The following LARGE1 variants were observed in gnomAD, a reference collection of about 807,000 sequenced individuals.
The protein encoded by LARGE1 is LARGE xylosyl- and glucuronyltransferase 1.
Under a neutral mutation model 87.6 loss-of-function variants are expected in LARGE1, and 43 were observed. The ratio of observed to expected loss-of-function variants is 0.49; its 90% CI spans 0.38 to 0.63. The LOEUF (loss-of-function observed/expected upper bound fraction) is 0.63. Ranked by LOEUF, LARGE1 falls within the 30% of genes least tolerant of loss-of-function variation. LARGE1 has a pLI of 0.00. For synonymous variants in LARGE1, 434 were observed against 394.6 expected (o/e 1.10, Z -1.18); for missense variants, 802 against 1,000.2 (o/e 0.80, Z 2.67).
intron 7 of LARGE1, among the ~76,000 whole-genome samples, chr22:33,389,044 A>T (rs529473929): frequency 6.6e-6 from 1 of 152,326 alleles, no homozygotes; most frequent in South Asian, 2.1e-4. Flanking sequence ...AGCTCACAGG[A>T]GGGAGGCCTG....
chr22:33,717,205 C>A (rs2082938082), intron 2 of LARGE1, among the ~76,000 whole-genome samples: 1 of 152,080 alleles, frequency 6.6e-6, no homozygotes, highest in Non-Finnish European at 1.5e-5. Flanking sequence ...ACCTTCCTAC[C>A]CATTCATCCA....
At chr22:33,561,203 C>T (rs967382889) in intron 6 of LARGE1, among the ~76,000 whole-genome samples, 23 of 152,192 alleles carry the variant, frequency 1.5e-4, no homozygotes, top group African/African-American at 5.5e-4. Context: ...GTTTTACAAA[C>T]ACTCATTTAG....
chr22:33,744,505 C>T (rs543186389), intron 2 of LARGE1, among the ~76,000 whole-genome samples: 3 of 152,202 alleles, frequency 2.0e-5, no homozygotes, highest in Non-Finnish European at 2.9e-5. Context: ...CTATGTGGCT[C>T]CTCTGTGTCT....
In LARGE1 at chr22:33,283,307, G is replaced by A; in HGVS notation, c.1772C>T (p.Ala591Val). Reference sequence around the variant, plus strand: ...TGTCTCGAACGCGGGGACAATCATTGCTTTCTTGGTGTTGGCAAGATCGAG... The same window carrying A: ...TGTCTCGAACGCGGGGACAATCATTACTTTCTTGGTGTTGGCAAGATCGAG... ...IQLDLANTKKAMIVPAFETLR... is the reference protein window; with the variant it reads ...IQLDLANTKKVMIVPAFETLR... Residue 591 changes from alanine (A) to valine (V), a missense_variant, in exon 13 of 15, where the codon GCA becomes GTA. Physicochemically the swap from Ala to Val is moderately conservative, Grantham distance 64. Around this residue, in one of 2 missense-constraint regions of LARGE1, gnomAD observed 625 missense variants for 841.9 expected, o/e 0.74. Coordinates refer to ENST00000397394, the MANE Select transcript of LARGE1 (RefSeq NM_133642.5). 2.5e-6 allele frequency: 4 copies of A among 1,614,200 alleles called. No individual in the cohort carries two copies. Among genetic ancestry groups the A allele is most frequent in the Middle Eastern group, 1.6e-4 (1 of 6,062 alleles).
At chr22:33,094,044 G>A in the LARGE1 span, among the ~76,000 whole-genome samples, 1 of 151,774 alleles carries the variant, frequency 6.6e-6, no homozygotes, top group Non-Finnish European at 1.5e-5. Flanking sequence ...GAGCCACCTT[G>A]CCCGGCTATT....
At chr22:33,688,100 T>C (rs5999059) in intron 2 of LARGE1, among the ~76,000 whole-genome samples, 17,295 of 152,166 alleles carry the variant, frequency 0.11, 1,520 homozygotes, top group African/African-American at 0.25. Context: ...AAAACAGAGA[T>C]AATGAAATGC....
chr22:33,086,550 T>C, the LARGE1 span, among the ~76,000 whole-genome samples: 15 of 47,576 alleles, frequency 3.2e-4, no homozygotes, highest in African/African-American at 7.9e-4. Context: ...GTTCTTCTAC[T>C]TTTTTTTTTT....
intron 1 of LARGE1, among the ~76,000 whole-genome samples, chr22:33,780,371 G>A (rs1003960840): frequency 1.3e-5 from 2 of 152,180 alleles, no homozygotes; most frequent in Non-Finnish European, 2.9e-5. Flanking sequence ...ACCACTGTGA[G>A]ACAGAGTCAA....
intron 1 of LARGE1, among the ~76,000 whole-genome samples, chr22:33,887,971 A>G (rs899868539): frequency 6.6e-6 from 1 of 152,210 alleles, no homozygotes; most frequent in African/African-American, 2.4e-5. Flanking sequence ...AATATGGTCC[A>G]CTTTGCTCAG....
chr22:33,865,879 C>G (rs1324134734), intron 1 of LARGE1, among the ~76,000 whole-genome samples: 11 of 94,430 alleles, frequency 1.2e-4, no homozygotes, highest in African/African-American at 4.2e-4. Flanking sequence ...GACAGGGTCT[C>G]GCTCTGTCAT....
At chr22:33,697,614 T>C (rs147629146) in intron 2 of LARGE1, among the ~76,000 whole-genome samples, 42 of 150,170 alleles carry the variant, frequency 2.8e-4, no homozygotes, top group African/African-American at 1.0e-3. Flanking sequence ...TCCTCTTGTC[T>C]GTAACTGAAC....
At chr22:33,914,702 C>G (rs1166552382) in intron 1 of LARGE1, among the ~76,000 whole-genome samples, 1 of 152,170 alleles carries the variant, frequency 6.6e-6, no homozygotes, top group African/African-American at 2.4e-5. Context: ...AGGCCTCTTT[C>G]TTTCCATTTA....
At chr22:33,464,490 T>A (rs1377138550) in intron 6 of LARGE1, among the ~76,000 whole-genome samples, 4 of 152,166 alleles carry the variant, frequency 2.6e-5, no homozygotes, top group Non-Finnish European at 5.9e-5. Context: ...AAAGGCTTAG[T>A]TTGCAGAACA....
the LARGE1 span, among the ~76,000 whole-genome samples, chr22:33,127,877 A>C: frequency 0.015 from 2,285 of 152,312 alleles, 33 homozygotes; most frequent in Admixed American, 0.052. Flanking sequence ...TCAGACATCT[A>C]TCTTGAAATT....
In LARGE1 at chr22:33,462,416, C is replaced by A. The variant is rs183248532; in HGVS notation, c.788-30151G>T. ...TACTTCAGGAGGAAGGAAAATAATC[C>A]CAGAAGGAAGGTCTGAAATGTGAAG... is the stretch of plus-strand genomic sequence containing the variant. On this transcript the variant is annotated intron_variant, in intron 6 of 14. Transcript: ENST00000397394. Among the ~76,000 whole-genome samples, 277 of 152,002 alleles carry A rather than the reference C, an allele frequency of 1.8e-3. 1 individual carries two copies. Among genetic ancestry groups the A allele is most frequent in the Non-Finnish European group, 3.1e-3 (214 of 67,962 alleles).
At chr22:33,510,126 G>A (rs1263432224) in intron 6 of LARGE1, among the ~76,000 whole-genome samples, 1 of 152,168 alleles carries the variant, frequency 6.6e-6, no homozygotes, top group African/African-American at 2.4e-5. Flanking sequence ...AGCAAGCAAT[G>A]TACTGGGAGT....
At chr22:33,691,965 T>C (rs1020673355) in intron 2 of LARGE1, among the ~76,000 whole-genome samples, 2 of 152,268 alleles carry the variant, frequency 1.3e-5, no homozygotes, top group East Asian at 3.9e-4. Context: ...TCTCCCTCAT[T>C]ACATCACTGA....
chr22:33,374,672 T>C (rs569855978), intron 9 of LARGE1, among the ~76,000 whole-genome samples: 6 of 152,310 alleles, frequency 3.9e-5, no homozygotes, highest in Non-Finnish European at 7.4e-5. Flanking sequence ...ATTAAATGAT[T>C]AGTCTTATTT....
chr22:33,902,017 A>C (rs530670385), intron 1 of LARGE1, among the ~76,000 whole-genome samples: 1 of 152,350 alleles, frequency 6.6e-6, no homozygotes, highest in Non-Finnish European at 1.5e-5. Flanking sequence ...AACAGTAATT[A>C]GTGCAAGAGC....
Sources: allele counts gnomAD v4.1 joint callset (sites outside exome capture counted in the v4.1 genomes callset), GRCh38; gene constraint gnomAD v4.1.1; regional missense constraint gnomAD v4.1.1; transcripts MANE v1.5; gene names NCBI Gene and HGNC (gene_info 2026-07-23, HGNC 2026-07-21).